The following EPHA5 variants were observed in gnomAD, a reference collection of about 807,000 sequenced individuals.
EPHA5 encodes the protein ephrin type-A receptor 5.
A neutral mutation model predicts 105.0 loss-of-function variants in EPHA5; 60 were observed. The ratio of observed to expected loss-of-function variants is 0.57; its 90% CI spans 0.46 to 0.71. EPHA5 has a LOEUF of 0.71. EPHA5 is among the 30% of genes least tolerant of loss of function. EPHA5 has a pLI of 0.00. For missense variants in EPHA5, 1,218 were observed against 1,274.7 expected, an observed-to-expected ratio of 0.96 and a Z score of 0.68; for synonymous variants, 513 against 449.1, an observed-to-expected ratio of 1.14 and a Z score of -1.80.
intron 8 of EPHA5, among the ~76,000 whole-genome samples, chr4:65,387,210 A>C (rs1175066485): frequency 1.3e-5 from 2 of 151,882 alleles, no homozygotes; most frequent in Non-Finnish European, 2.9e-5. Flanking sequence ...GTTTATACTG[A>C]GATGATCCCC....
At chr4:65,606,483 G>C (rs1744240099) in intron 2 of EPHA5, among the ~76,000 whole-genome samples, 1 of 151,864 alleles carries the variant, frequency 6.6e-6, no homozygotes, top group African/African-American at 2.4e-5. Context: ...AAATTAGAAA[G>C]GTTTATAAAA....
chr4:65,463,669 T>C (rs991401748), intron 5 of EPHA5, among the ~76,000 whole-genome samples: 2 of 152,134 alleles, frequency 1.3e-5, no homozygotes, highest in Admixed American at 6.5e-5. Context: ...TAAGTATAAG[T>C]TCATTCAGAT....
At chr4:65,566,886 A>T (rs545433125) in intron 3 of EPHA5, among the ~76,000 whole-genome samples, 26 of 151,772 alleles carry the variant, frequency 1.7e-4, no homozygotes, top group East Asian at 1.4e-3. Context: ...GATAATTTTT[A>T]AAAAATTTTT....
intron 16 of EPHA5, among the ~76,000 whole-genome samples, chr4:65,327,931 A>T (rs1720233716): frequency 6.6e-6 from 1 of 151,202 alleles, no homozygotes; most frequent in East Asian, 1.9e-4. Context: ...AATTACATAA[A>T]TTTGATGAAA....
intron 3 of EPHA5, among the ~76,000 whole-genome samples, chr4:65,592,935 T>C (rs1209600046): frequency 6.6e-6 from 1 of 152,098 alleles, no homozygotes; most frequent in African/African-American, 2.4e-5. Flanking sequence ...GAGGAAATGC[T>C]AAATCATGTG....
rs189847967 is a variant in EPHA5 at position 65,507,148 on chromosome 4, G to C, written c.911-11605C>G. On this transcript the variant is annotated intron_variant, in intron 3 of 16. Coordinates refer to ENST00000613740, the MANE Select transcript of EPHA5 (RefSeq NM_001281766.3). ...AATCCTTTCCCCATTGCTTGGTTTT[G>C]TCAGGTTTGTCAAAGGTCAGATAGT... Among the ~76,000 whole-genome samples, 252 of 152,176 alleles carry C rather than the reference G, an allele frequency of 1.7e-3. 3 individuals carry two copies. The highest frequency in any genetic ancestry group is 0.013 in the Admixed American group (200 of 15,258).
At chr4:65,333,882 T>C (rs982479576) in intron 15 of EPHA5, among the ~76,000 whole-genome samples, 2 of 151,844 alleles carry the variant, frequency 1.3e-5, no homozygotes, top group African/African-American at 4.8e-5. Context: ...GCTCTTGAAG[T>C]TCTGCCCATT....
At chr4:65,589,235 T>C (rs929287725) in intron 3 of EPHA5, among the ~76,000 whole-genome samples, 1 of 138,898 alleles carries the variant, frequency 7.2e-6, no homozygotes, top group Admixed American at 7.0e-5. Flanking sequence ...TTGGTTAAAC[T>C]GCTAACAGAC....
chr4:65,467,996 C>T (rs950518433), intron 5 of EPHA5, among the ~76,000 whole-genome samples: 1 of 152,100 alleles, frequency 6.6e-6, no homozygotes, highest in Non-Finnish European at 1.5e-5. Flanking sequence ...TGCCCTAGAA[C>T]CTCCGAAGAG....
chr4:65,447,140 C>A (rs1041672715), intron 5 of EPHA5, among the ~76,000 whole-genome samples: 4 of 151,858 alleles, frequency 2.6e-5, no homozygotes, highest in African/African-American at 9.7e-5. Flanking sequence ...ACATGTGCCA[C>A]CACACCTGGC....
chr4:65,487,127 A>G (rs1365148663), intron 5 of EPHA5, among the ~76,000 whole-genome samples: 1 of 152,206 alleles, frequency 6.6e-6, no homozygotes, highest in Non-Finnish European at 1.5e-5. Flanking sequence ...CTGCAGAACC[A>G]TGAGCCAATT....
At chr4:65,417,146 T>C (rs1723462816) in intron 6 of EPHA5, among the ~76,000 whole-genome samples, 2 of 152,198 alleles carry the variant, frequency 1.3e-5, no homozygotes, top group African/African-American at 4.8e-5. Context: ...AATTAAGAGA[T>C]GGCAATGAGC....
intron 2 of EPHA5, among the ~76,000 whole-genome samples, chr4:65,629,777 T>C (rs1156364358): frequency 6.6e-6 from 1 of 152,158 alleles, no homozygotes; most frequent in African/African-American, 2.4e-5. Flanking sequence ...TAACGCATGA[T>C]TCCATCCTCT....
At chr4:65,324,299 A>C (rs1719874144) in intron 16 of EPHA5, 80 bp from the exon 17 acceptor site, 1 of 922,250 alleles carries the variant, frequency 1.1e-6, no homozygotes, top group Non-Finnish European at 1.7e-6. Flanking sequence ...AAAGGGGCAA[A>C]CATAGTGCAG....
chr4:65,574,395 A>G (rs1210023779), intron 3 of EPHA5: 2 of 731,826 alleles, frequency 2.7e-6, no homozygotes, highest in Non-Finnish European at 3.8e-6. Flanking sequence ...AAATAAAAAA[A>G]TAAAAAAATA....
At chr4:65,348,778 C>CATATATAT (rs1722510352) in intron 13 of EPHA5, among the ~76,000 whole-genome samples, 2 of 44,510 alleles carry the variant, frequency 4.5e-5, no homozygotes, top group Admixed American at 6.9e-4. Context: ...TATGTGTGTG[C>CATATATAT]ATGTGTGTGT....
At chr4:65,600,931 T>C (rs1232382874) in intron 3 of EPHA5, among the ~76,000 whole-genome samples, 1 of 151,534 alleles carries the variant, frequency 6.6e-6, no homozygotes, top group Non-Finnish European at 1.5e-5. Context: ...GCATGCATGA[T>C]CAAGTTTCAA....
chr4:65,565,092 C>T (rs60618943), intron 3 of EPHA5, among the ~76,000 whole-genome samples: 30,915 of 151,420 alleles, frequency 0.2, 3,265 homozygotes, highest in Non-Finnish European at 0.22. Flanking sequence ...TAACACTCTT[C>T]ATATCCAATT....
chr4:65,339,870 C>T (rs962278907), intron 14 of EPHA5, among the ~76,000 whole-genome samples: 6 of 152,120 alleles, frequency 3.9e-5, no homozygotes, highest in African/African-American at 1.4e-4. Context: ...GAAACCCACA[C>T]AGACATGGGG....
Sources: allele counts gnomAD v4.1 joint callset (sites outside exome capture counted in the v4.1 genomes callset), GRCh38; gene constraint gnomAD v4.1.1; transcripts MANE v1.5; gene names NCBI Gene and HGNC (gene_info 2026-07-23, HGNC 2026-07-21).